The following RLIG1 variants were observed in gnomAD, a reference collection of about 807,000 sequenced individuals.
The protein encoded by RLIG1 is RNA 5'-phosphate and 3'-OH ligase 1.
At chr12:88,040,527 T>C in the RLIG1 span, among the ~76,000 whole-genome samples, 25 of 152,178 alleles carry the variant, frequency 1.6e-4, no homozygotes, top group African/African-American at 6.0e-4. Flanking sequence ...ATCTCCAATT[T>C]GTACAAGTAG....
At chr12:88,042,797 A>G in the RLIG1 span, 2 of 1,408,992 alleles carry the variant, frequency 1.4e-6, no homozygotes, top group African/African-American at 1.5e-5. Flanking sequence ...TTTGCATCAT[A>G]CTTTTCCTTT....
At chr12:88,043,891 T>C in the RLIG1 span, 1 of 604,846 alleles carries the variant, frequency 1.7e-6, no homozygotes, top group South Asian at 2.0e-5. Context: ...AGATGTTTCA[T>C]ATCAAGAATG....
chr12:88,048,331 C>A, the RLIG1 span: 1 of 1,606,362 alleles, frequency 6.2e-7, no homozygotes, highest in South Asian at 1.1e-5. Context: ...AAATGTGACT[C>A]TGCCTTTGAT....
chr12:88,036,199 A>G, the RLIG1 span: 10 of 593,386 alleles, frequency 1.7e-5, no homozygotes, highest in Non-Finnish European at 2.6e-5. Context: ...TAATTAGGTC[A>G]CTGAAGTTCA....
chr12:88,047,747 C>T, the RLIG1 span, among the ~76,000 whole-genome samples: 2 of 152,152 alleles, frequency 1.3e-5, no homozygotes, highest in African/African-American at 4.8e-5. Context: ...GATCTGGCCC[C>T]TACTTAATTT....
At chr12:88,047,808 T>G in the RLIG1 span, among the ~76,000 whole-genome samples, 1 of 152,174 alleles carries the variant, frequency 6.6e-6, no homozygotes, top group Admixed American at 6.5e-5. Context: ...ACACTGTGTT[T>G]GCTGTAACCA....
the RLIG1 span, chr12:88,035,686 G>C: frequency 6.2e-7 from 1 of 1,609,094 alleles, no homozygotes; most frequent in Non-Finnish European, 8.5e-7. Context: ...AAAATGCCGT[G>C]TGTGTTTGTG....
At chr12:88,046,819 A>G in the RLIG1 span, 17 of 1,609,020 alleles carry the variant, frequency 1.1e-5, no homozygotes, top group Non-Finnish European at 1.4e-5. Context: ...TTAGGGAGCA[A>G]GAAACATCCA....
At chr12:88,037,549 C>T in the RLIG1 span, among the ~76,000 whole-genome samples, 2 of 152,188 alleles carry the variant, frequency 1.3e-5, no homozygotes, top group Non-Finnish European at 2.9e-5. Flanking sequence ...GATACACACA[C>T]ACTGCTATTG....
the RLIG1 span, chr12:88,049,818 TAATG>T: frequency 6.4e-6 from 1 of 156,484 alleles, no homozygotes; most frequent in African/African-American, 2.4e-5. Flanking sequence ...ATCTAATATT[TAATG>T]AATAATGATC....
chr12:88,036,338 T>C, the RLIG1 span, among the ~76,000 whole-genome samples: 1 of 152,198 alleles, frequency 6.6e-6, no homozygotes, highest in Non-Finnish European at 1.5e-5. Context: ...TTTGGGTAAT[T>C]TTTTCATATT....
the RLIG1 span, among the ~76,000 whole-genome samples, chr12:88,036,659 T>A: frequency 6.6e-6 from 1 of 152,212 alleles, no homozygotes; most frequent in African/African-American, 2.4e-5. Context: ...GCTTTTTACC[T>A]TATAGCATCT....
At chr12:88,049,471 T>G in the RLIG1 span, 2 of 892,856 alleles carry the variant, frequency 2.2e-6, no homozygotes, top group African/African-American at 3.4e-5. Flanking sequence ...ATTTTACGTT[T>G]GAACAAGGAG....
chr12:88,035,871 C>G, the RLIG1 span: 3 of 1,513,352 alleles, frequency 2.0e-6, no homozygotes, highest in Non-Finnish European at 2.6e-6. Context: ...TGTAGGTTTC[C>G]CTGGGGAGGT....
chr12:88,035,697 A>T, the RLIG1 span: 1 of 1,608,266 alleles, frequency 6.2e-7, no homozygotes, highest in East Asian at 2.2e-5. Flanking sequence ...TGTGTTTGTG[A>T]CGGAGGTGAA....
chr12:88,035,769 C>T, the RLIG1 span: 1 of 1,564,006 alleles, frequency 6.4e-7, no homozygotes, highest in Non-Finnish European at 8.7e-7. Context: ...GGCTTGGCGG[C>T]CCGCGTGGGC....
At chr12:88,043,801 A>C in the RLIG1 span, 65 of 940,570 alleles carry the variant, frequency 6.9e-5, no homozygotes, top group African/African-American at 7.5e-4. Context: ...ACAGAATTTT[A>C]ATCTGGGTCT....
chr12:88,048,459 C>A, the RLIG1 span: 1 of 1,004,826 alleles, frequency 1.0e-6, no homozygotes, highest in Non-Finnish European at 1.4e-6. Context: ...ATATTCTAAT[C>A]TTGAATATTC....
At chr12:88,037,375 G>A in the RLIG1 span, among the ~76,000 whole-genome samples, 1 of 152,056 alleles carries the variant, frequency 6.6e-6, no homozygotes, top group Non-Finnish European at 1.5e-5. Context: ...ATGACAGGTG[G>A]AGAAGGAGAA....
Sources: gnomAD v4.1 joint callset for allele counts (sites outside exome capture counted in the v4.1 genomes callset) on GRCh38, gnomAD v4.1.1 for gene constraint, MANE v1.5 for transcripts, NCBI Gene and HGNC (gene_info 2026-07-23, HGNC 2026-07-21) for gene names.